Variants in RAB6B observed in about 807,000 individuals in gnomAD.
The protein encoded by RAB6B is ras-related protein Rab-6B.
A neutral mutation model predicts 31.2 loss-of-function variants in RAB6B; 7 were observed. That is an observed-to-expected ratio of 0.22 (90% CI 0.13 to 0.42). The LOEUF (loss-of-function observed/expected upper bound fraction) is 0.42, where lower values mean the gene tolerates loss of function less well. Among genes scored for constraint, RAB6B ranks in the 10% least tolerant of loss-of-function variants. The probability of loss-of-function intolerance (pLI) is 1.00; values close to 1 mark genes in which losing one functional copy is unlikely to be tolerated. For synonymous variants in RAB6B, 105 were observed against 104.9 expected (o/e 1.00, Z -0.01); for missense variants, 149 against 280.6 (o/e 0.53, Z 3.35).
intron 1 of RAB6B, among the ~76,000 whole-genome samples, chr3:133,876,428 C>G (rs1433583269): frequency 6.6e-6 from 1 of 152,124 alleles, no homozygotes; most frequent in Non-Finnish European, 1.5e-5. Flanking sequence ...ACTGCTTGCT[C>G]AAATCTGCTG....
chr3:133,880,759 A>C (rs1936456433), intron 1 of RAB6B, among the ~76,000 whole-genome samples: 1 of 137,044 alleles, frequency 7.3e-6, no homozygotes, highest in South Asian at 2.4e-4. Flanking sequence ...CTGCCCCTGC[A>C]GAGCCAGGTG....
intron 3 of RAB6B, 92 bp from the exon 4 acceptor site, chr3:133,841,482 A>G: frequency 6.5e-7 from 1 of 1,537,448 alleles, no homozygotes. Context: ...GGGCTCTGCA[A>G]TGCTGGCATC....
intron 1 of RAB6B, chr3:133,885,654 G>C: frequency 1.4e-6 from 1 of 702,810 alleles, no homozygotes; most frequent in Non-Finnish European, 2.6e-6. Flanking sequence ...AGCAGTCAGG[G>C]AACCCAGGGC....
intron 4 of RAB6B, among the ~76,000 whole-genome samples, chr3:133,840,827 C>T (rs1381002850): frequency 6.6e-6 from 1 of 152,136 alleles, no homozygotes; most frequent in Non-Finnish European, 1.5e-5. Context: ...GCTTCCAGAC[C>T]CCCTTGCCTA....
intron 1 of RAB6B, among the ~76,000 whole-genome samples, chr3:133,890,062 T>C (rs998789176): frequency 2.6e-5 from 4 of 152,164 alleles, no homozygotes; most frequent in Admixed American, 6.5e-5. Context: ...CCCCTTCTTA[T>C]GCCAGCCACT....
At chr3:133,870,693 T>C (rs1175912312) in intron 1 of RAB6B, among the ~76,000 whole-genome samples, 3 of 152,238 alleles carry the variant, frequency 2.0e-5, no homozygotes, top group African/African-American at 7.2e-5. Context: ...TTCTTCATAA[T>C]TGTCAGAGCA....
At chr3:133,839,056 G>A (rs941811991) in intron 5 of RAB6B, among the ~76,000 whole-genome samples, 1 of 152,272 alleles carries the variant, frequency 6.6e-6, no homozygotes, top group Non-Finnish European at 1.5e-5. Flanking sequence ...CCATAGGTTT[G>A]TGGTCTGAAT....
At chr3:133,837,964 C>T (rs1206576822) in intron 6 of RAB6B, among the ~76,000 whole-genome samples, 1 of 152,328 alleles carries the variant, frequency 6.6e-6, no homozygotes. Flanking sequence ...ATGCCATGCC[C>T]GGAGTGGTCC....
intron 1 of RAB6B, among the ~76,000 whole-genome samples, chr3:133,873,201 A>G (rs1236137362): frequency 6.6e-6 from 1 of 152,204 alleles, no homozygotes; most frequent in African/African-American, 2.4e-5. Context: ...AAGGCAAAAT[A>G]AAGGTCCCTT....
chr3:133,856,614 G>A (rs1382154479), intron 2 of RAB6B, among the ~76,000 whole-genome samples: 1 of 152,188 alleles, frequency 6.6e-6, no homozygotes, highest in Non-Finnish European at 1.5e-5. Flanking sequence ...TGGGTACTGG[G>A]TGAGCCCACC....
In RAB6B at chr3:133,841,171, TGC is replaced by T. The variant is rs1576395166; in HGVS notation, c.289+112_289+113del. On this transcript the variant is annotated intron_variant, in intron 4 of 7. Coordinates refer to ENST00000285208, the MANE Select transcript of RAB6B (RefSeq NM_016577.4). Reference sequence around the variant, plus strand: ...CATTCAGGGAGCAATCGCACACACATGCGTGTGCACACACATGCGTGTGCACA... The same window carrying T: ...CATTCAGGGAGCAATCGCACACACATGTGTGCACACACATGCGTGTGCACA... 35 of 694,622 alleles carry T rather than the reference TGC, an allele frequency of 5.0e-5. 1 individual carries two copies. The highest frequency in any genetic ancestry group is 3.6e-4 in the South Asian group (20 of 55,458). The allele number at this position is 694,622 out of a possible 1,614,324, so 43.0% of individuals were successfully genotyped here.
chr3:133,855,515 C>A (rs1385225038), intron 2 of RAB6B, among the ~76,000 whole-genome samples: 2 of 152,182 alleles, frequency 1.3e-5, no homozygotes, highest in African/African-American at 4.8e-5. Context: ...GGTTAAATTT[C>A]ATCAATATCA....
chr3:133,845,853 A>G (rs1358933766), intron 2 of RAB6B, among the ~76,000 whole-genome samples: 4 of 152,018 alleles, frequency 2.6e-5, no homozygotes, highest in Admixed American at 6.5e-5. Flanking sequence ...AGACTTTAAA[A>G]CTCTTATAAA....
chr3:133,875,287 CATGT>C (rs1286683219), intron 1 of RAB6B, among the ~76,000 whole-genome samples: 2 of 145,306 alleles, frequency 1.4e-5, no homozygotes, highest in East Asian at 4.0e-4. Flanking sequence ...TGTGTGTGTG[CATGT>C]GTTAAGAATA....
intron 5 of RAB6B, 30 bp from the exon 6 acceptor site, chr3:133,838,289 C>T (rs1373115001): frequency 7.5e-6 from 12 of 1,595,576 alleles, no homozygotes; most frequent in Non-Finnish European, 1.0e-5. Flanking sequence ...GGGAAATCAG[C>T]TCAGCAGAGA....
intron 2 of RAB6B, among the ~76,000 whole-genome samples, chr3:133,857,732 T>C (rs1263132179): frequency 6.6e-6 from 1 of 152,230 alleles, no homozygotes; most frequent in Non-Finnish European, 1.5e-5. Context: ...TGTTTGATCA[T>C]TACCTCCCAC....
intron 1 of RAB6B, among the ~76,000 whole-genome samples, chr3:133,883,758 T>C (rs762341507): frequency 2.0e-4 from 31 of 152,244 alleles, no homozygotes; most frequent in Non-Finnish European, 4.3e-4. Context: ...TTTCTCTTCC[T>C]TTCTCAGAAT....
At chr3:133,852,960 T>C (rs1293304963) in intron 2 of RAB6B, among the ~76,000 whole-genome samples, 4 of 152,270 alleles carry the variant, frequency 2.6e-5, no homozygotes, top group African/African-American at 9.6e-5. Context: ...CTGAGCTCCA[T>C]GCAGTATTTC....
rs751717977 is a variant in RAB6B at position 133,838,247 on chromosome 3, G to A, written c.414C>T (p.Ile138=). The part of the protein sequence containing the change: ...TDLADKRQIT[I]EEGEQRAKEL... ...CTTTGGCGCGCTGCTCCCCCTCCTCGATGGTTATCTGCCTAGAGATGAGGG... is the reference window on the plus strand; with the variant it reads ...CTTTGGCGCGCTGCTCCCCCTCCTCAATGGTTATCTGCCTAGAGATGAGGG... Residue 138 remains isoleucine, a synonymous_variant, in exon 6 of 8, where the codon ATC becomes ATT. Transcript: ENST00000285208. 20 of 1,613,778 alleles carry A rather than the reference G, an allele frequency of 1.2e-5. No individual in the cohort carries two copies. The highest frequency in any genetic ancestry group is 9.9e-5 in the South Asian group (9 of 91,070).
Sources: gnomAD v4.1 joint callset for allele counts (sites outside exome capture counted in the v4.1 genomes callset) on GRCh38, gnomAD v4.1.1 for gene constraint, MANE v1.5 for transcripts, NCBI Gene and HGNC (gene_info 2026-07-23, HGNC 2026-07-21) for gene names.